KDM4A: variants seen among roughly 807,000 people sequenced by gnomAD.
The protein encoded by KDM4A is lysine demethylase 4A.
KDM4A carries 23 observed loss-of-function variants against 127.1 expected under a neutral mutation model. The observed-to-expected ratio is 0.18, with a 90% CI of 0.13 to 0.26. The LOEUF is 0.26. KDM4A is among the 10% of genes least tolerant of loss of function. The pLI is 1.00. For missense variants in KDM4A, 890 were observed against 1,329.1 expected, an observed-to-expected ratio of 0.67 and a Z score of 5.14; for synonymous variants, 443 against 466.5, an observed-to-expected ratio of 0.95 and a Z score of 0.65.
Position 43,671,649 on chromosome 1 carries a change from G to C in KDM4A, c.1508G>C (p.Gly503Ala). The change falls in exon 11 of 22, where the codon GGC (glycine) becomes GCC (alanine). Residue 503 changes from glycine (G) to alanine (A), a missense_variant. Transcript: ENST00000372396. The stretch of plus-strand genomic sequence containing the variant: ...GTAGGGGGACGCCTTGTCTTCTCAG[G>C]CTCCAAAAAGAAATCATCTTCTAGC... ...ASVGGRLVFS[G>A]SKKKSSSSLG... The C allele has an allele frequency of 1.9e-6, 3 of 1,613,234 alleles. No homozygotes were observed. The highest frequency in any genetic ancestry group is 2.5e-6 in the Non-Finnish European group (3 of 1,179,636).
intron 11 of KDM4A, among the ~76,000 whole-genome samples, chr1:43,678,731 G>A (rs774749245): frequency 3.9e-5 from 6 of 152,040 alleles, no homozygotes; most frequent in Non-Finnish European, 7.4e-5. Context: ...GGGACTATAG[G>A]CATGTGCCAT....
intron 1 of KDM4A, chr1:43,650,651 G>A: frequency 6.6e-6 from 1 of 152,574 alleles, no homozygotes; most frequent in Non-Finnish European, 1.5e-5. Flanking sequence ...GGGGTTGTTA[G>A]CAACAGCTAG....
Position 43,705,262 on chromosome 1 carries a change from T to A in KDM4A, c.*892T>A, listed in dbSNP as rs1381296807. ...AACTGGGGCCATTGGAGGCCCACTG[T>A]AGGTGGGAGGGAGCTGATTTTGGGG... On this transcript the variant is annotated 3_prime_UTR_variant, in exon 22 of 22. Coordinates refer to ENST00000372396, the MANE Select transcript of KDM4A (RefSeq NM_014663.3). 2 of 110,790 alleles carry A rather than the reference T, an allele frequency of 1.8e-5. No homozygotes were observed. The highest frequency in any genetic ancestry group is 3.4e-5 in the Non-Finnish European group (2 of 58,810). The allele number at this position is 110,790 out of a possible 1,614,324, so 6.9% of individuals were successfully genotyped here. A position where few individuals can be genotyped will look rare whatever the true frequency, so the allele number is the denominator to read the frequency against.
intron 15 of KDM4A, 56 bp downstream of exon 15, chr1:43,691,628 GC>G: frequency 1.4e-6 from 2 of 1,464,654 alleles, no homozygotes; most frequent in South Asian, 1.1e-5. Context: ...CATATTCAGG[GC>G]CAGACGATTT....
intron 11 of KDM4A, among the ~76,000 whole-genome samples, chr1:43,672,284 G>A (rs1251094235): frequency 1.3e-5 from 2 of 151,954 alleles, no homozygotes; most frequent in African/African-American, 4.8e-5. Context: ...TGCCTTCCAG[G>A]TTCAAGCAGT....
chr1:43,678,616 C>A (rs1188672412), intron 11 of KDM4A, among the ~76,000 whole-genome samples: 6 of 139,414 alleles, frequency 4.3e-5, no homozygotes, highest in African/African-American at 1.6e-4. Context: ...GAGAAAAGGT[C>A]TTGCTGTGTT....
In KDM4A at chr1:43,690,891, T is replaced by C; in HGVS notation, c.2084T>C (p.Leu695Ser). 6.2e-7 allele frequency: 1 copy of C among 1,614,226 alleles called. No individual in the cohort carries two copies. The highest frequency in any genetic ancestry group is 8.5e-7 in the Non-Finnish European group (1 of 1,180,036). ...CAGAACTGTGGAAATGCTTCAGATT[T>C]AGCCCCCCAGAAGCAGAGGACCAAG... Reference protein sequence around the residue: ...FNQNCGNASDLAPQKQRTKPL... With the variant: ...FNQNCGNASDSAPQKQRTKPL... Residue 695 changes from leucine (L) to serine (S), a missense_variant, in exon 14 of 22, where the codon TTA (leucine) becomes TCA (serine). Around this residue, in one of 7 missense-constraint regions of KDM4A, gnomAD observed 389 missense variants for 485.9 expected, o/e 0.80. Transcript: ENST00000372396.
chr1:43,677,080 T>TCA (rs1660757618), intron 11 of KDM4A, among the ~76,000 whole-genome samples: 1 of 152,152 alleles, frequency 6.6e-6, no homozygotes, highest in Non-Finnish European at 1.5e-5. Flanking sequence ...GCGCAGTGGC[T>TCA]CACACCTGTA....
Position 43,697,986 on chromosome 1 carries a change from C to A in KDM4A, c.2814C>A (p.Ser938Arg). Residue 938 changes from serine (S) to arginine (R), a missense_variant, in exon 19 of 22, where the codon AGC becomes AGA. By Grantham distance (110) the Ser-to-Arg change is moderately radical. Transcript: ENST00000372396. ...YEVNFDDGSF[S>R]DNLYPEDIVS... ...TCAACTTTGATGATGGCTCCTTCAG[C>A]GACAATCTTTATCCTGAGGACATAG... The A allele has an allele frequency of 6.2e-7, 1 of 1,613,614 alleles. No homozygotes were observed. The highest frequency in any genetic ancestry group is 1.3e-5 in the African/African-American group (1 of 74,884).
intron 19 of KDM4A, among the ~76,000 whole-genome samples, chr1:43,698,726 A>G (rs1332018463): frequency 6.6e-6 from 1 of 152,238 alleles, no homozygotes; most frequent in Admixed American, 6.5e-5. Context: ...TTCATTAGTT[A>G]TAAGGTAGAC....
In KDM4A at chr1:43,691,566, A is replaced by G. The variant is rs1391219311; in HGVS notation, c.2313A>G (p.Leu771=). ...WMCSRCSANA[L]EEDCCLCSLR... The stretch of plus-strand genomic sequence containing the variant: ...GTTCTCGGTGTTCAGCCAATGCCCT[A>G]GAGGAGGTGAGTGATCCCACACTGT... Residue 771 remains leucine (L), a synonymous_variant, in exon 15 of 22, where the codon CTA becomes CTG. Coordinates refer to ENST00000372396, the MANE Select transcript of KDM4A (RefSeq NM_014663.3). 1.1e-5 allele frequency: 17 copies of G among 1,613,384 alleles called. No individual in the cohort carries two copies. Among genetic ancestry groups the G allele is most frequent in the Non-Finnish European group, 1.4e-5 (17 of 1,179,654 alleles).
chr1:43,683,641 C>T, intron 11 of KDM4A, 43 bp from the exon 12 acceptor site: 2 of 1,598,514 alleles, frequency 1.3e-6, no homozygotes, highest in Non-Finnish European at 1.7e-6. Flanking sequence ...TGCTGTGTCT[C>T]AAGTGGAGAC....
intron 3 of KDM4A, among the ~76,000 whole-genome samples, chr1:43,657,278 C>T (rs1477407842): frequency 4.6e-5 from 7 of 151,964 alleles, no homozygotes; most frequent in African/African-American, 1.7e-4. Flanking sequence ...TCTCGGCTCA[C>T]TGCAGCCTCC....
chr1:43,683,238 T>C (rs1167759095), intron 11 of KDM4A, among the ~76,000 whole-genome samples: 3 of 152,248 alleles, frequency 2.0e-5, no homozygotes, highest in Non-Finnish European at 4.4e-5. Flanking sequence ...GGGTGTCCCC[T>C]AGACACTCCT....
intron 8 of KDM4A, 55 bp downstream of exon 8, chr1:43,667,146 G>A: frequency 6.3e-7 from 1 of 1,593,230 alleles, no homozygotes; most frequent in South Asian, 1.1e-5. Context: ...GCAAATTCTG[G>A]TTAGATACGT....
At chr1:43,685,417 T>A (rs780418952) in intron 12 of KDM4A, among the ~76,000 whole-genome samples, 7 of 151,266 alleles carry the variant, frequency 4.6e-5, no homozygotes, top group Admixed American at 6.6e-5. Flanking sequence ...TACCTGGTCC[T>A]CTCCTTCCTG....
At chr1:43,661,557 C>G (rs537081736) in intron 4 of KDM4A, among the ~76,000 whole-genome samples, 2 of 135,886 alleles carry the variant, frequency 1.5e-5, no homozygotes, top group South Asian at 2.3e-4. Flanking sequence ...TGCAGTGAGC[C>G]GAGATTGCAC....
chr1:43,679,589 G>T (rs1660813530), intron 11 of KDM4A, among the ~76,000 whole-genome samples: 1 of 152,098 alleles, frequency 6.6e-6, no homozygotes, highest in Non-Finnish European at 1.5e-5. Context: ...CACCATCTAT[G>T]TCAAGGGCCT....
At chr1:43,700,493 A>T (rs957090956) in intron 19 of KDM4A, among the ~76,000 whole-genome samples, 1 of 151,984 alleles carries the variant, frequency 6.6e-6, no homozygotes, top group African/African-American at 2.4e-5. Context: ...ACCAAAACTC[A>T]ATGGAAGTAA....
Sources: allele counts gnomAD v4.1 joint callset (sites outside exome capture counted in the v4.1 genomes callset), GRCh38; gene constraint gnomAD v4.1.1; regional missense constraint gnomAD v4.1.1; transcripts MANE v1.5; gene names NCBI Gene and HGNC (gene_info 2026-07-23, HGNC 2026-07-21).